Variants in COG3 observed in about 807,000 individuals in gnomAD.
COG3 encodes the protein component of oligomeric golgi complex 3, also known as conserved oligomeric Golgi complex subunit 3.
COG3 carries 32 observed loss-of-function variants against 114.1 expected under a neutral mutation model. The observed-to-expected ratio is 0.28, with a 90% CI of 0.21 to 0.38. The LOEUF is 0.38. COG3 is among the 10% of genes least tolerant of loss of function. The pLI is 1.00. For synonymous variants in COG3, 352 were observed against 365.7 expected (o/e 0.96, Z 0.43); for missense variants, 813 against 973.2 (o/e 0.84, Z 2.19).
chr13:45,495,786 A>T (rs61218638), intron 12 of COG3, among the ~76,000 whole-genome samples: 3,211 of 152,302 alleles, frequency 0.021, 97 homozygotes, highest in African/African-American at 0.068. Context: ...TGTGGTACTC[A>T]ATTTATTTGT....
chr13:45,469,357 C>T (rs934847592), intron 1 of COG3, among the ~76,000 whole-genome samples: 3 of 152,086 alleles, frequency 2.0e-5, no homozygotes, highest in South Asian at 4.2e-4. Flanking sequence ...ACTGAGCACA[C>T]GTGTATGACA....
intron 5 of COG3, among the ~76,000 whole-genome samples, 168 bp from the exon 6 acceptor site, chr13:45,482,213 C>T (rs2985952): frequency 0.37 from 55,570 of 151,914 alleles, 10,938 homozygotes; most frequent in Middle Eastern, 0.54. Context: ...TTTGTCCCTT[C>T]TTTATTGTAC....
chr13:45,527,253 G>C (rs1872777864), intron 20 of COG3, among the ~76,000 whole-genome samples: 2 of 152,328 alleles, frequency 1.3e-5, no homozygotes, highest in Non-Finnish European at 2.9e-5. Context: ...TAAAGCAGGA[G>C]TAGATAAAAG....
chr13:45,535,796 A>G lies in COG3; in HGVS notation c.*1065A>G. 2 of 987,582 alleles carry G rather than the reference A, an allele frequency of 2.0e-6. No homozygotes were observed. Among genetic ancestry groups the G allele is most frequent in the Non-Finnish European group, 2.4e-6 (2 of 830,078 alleles). The allele number at this position is 987,582 out of a possible 1,614,324, so 61.2% of individuals were successfully genotyped here. Reference sequence around the variant, plus strand: ...CCATATCAGGGATCATAAATTATGCATATCTATGAATTTTCCAACAAATTC... The same window carrying G: ...CCATATCAGGGATCATAAATTATGCGTATCTATGAATTTTCCAACAAATTC... On this transcript the variant is annotated 3_prime_UTR_variant, in exon 23 of 23. Transcript: ENST00000349995.
chr13:45,476,119 A>G (rs781382956), intron 1 of COG3, 82 bp from the exon 2 acceptor site: 92 of 1,300,380 alleles, frequency 7.1e-5, no homozygotes, highest in Non-Finnish European at 9.7e-5. Flanking sequence ...TTTCAAAACA[A>G]CTGAGATGGA....
rs994698736 is a variant in COG3 at position 45,490,945 on chromosome 13, G to A, written c.955G>A (p.Glu319Lys). ...TLIEQIELRS[E>K]KIPEYQQLLN... ...TATTGAACAAATAGAACTGCGGTCT[G>A]AAAAAATACCTGAGTGAGTACCTAG... The change falls in exon 9 of 23, where the codon GAA (glutamate) becomes AAA (lysine). Residue 319 changes from glutamate (E) to lysine (K), a missense_variant. By Grantham distance (56) the Glu-to-Lys change is moderately conservative (BLOSUM62 1). Around this residue, in one of 2 missense-constraint regions of COG3, gnomAD observed 424 missense variants for 430.6 expected, o/e 0.98. Transcript: ENST00000349995. 1.3e-6 allele frequency: 2 copies of A among 1,599,032 alleles called. No individual in the cohort carries two copies. The highest frequency in any genetic ancestry group is 3.4e-5 in the Admixed American group (2 of 58,742).
chr13:45,474,405 G>A lies in COG3; in HGVS notation c.175-1796G>A, dbSNP rs944510863. ...TCTCGATTTCCTGACCTCGTGATCC[G>A]CCCACCTCAGCCTCCCAAAGTGCTG... On this transcript the variant is annotated intron_variant, in intron 1 of 22. Transcript: ENST00000349995. Among the ~76,000 whole-genome samples the A allele has an allele frequency of 5.9e-5, 9 of 151,756 alleles. No individual in the cohort carries two copies. The South Asian group carries it at 1.7e-3, about 28-fold the overall frequency.
intron 20 of COG3, among the ~76,000 whole-genome samples, chr13:45,526,830 T>C (rs1302412590): frequency 6.6e-6 from 1 of 152,176 alleles, no homozygotes; most frequent in Non-Finnish European, 1.5e-5. Flanking sequence ...TAGTCTGACA[T>C]AGTATTAACC....
Position 45,535,039 on chromosome 13 carries a change from T to C in COG3, c.*308T>C. The C allele has an allele frequency of 2.6e-6, 3 of 1,137,908 alleles. No individual in the cohort carries two copies. Among genetic ancestry groups the C allele is most frequent in the Non-Finnish European group, 3.2e-6 (3 of 929,902 alleles). 70.5% of individuals were successfully genotyped at this position (1,137,908 alleles called of 1,614,324 possible). ...CAGTGAAATGGTTCTTTGTTAAAAA[T>C]GTGCAATAAAAATAGATTACAATAA... On this transcript the variant is annotated 3_prime_UTR_variant, in exon 23 of 23. Transcript: ENST00000349995.
At chr13:45,525,104 A>C in intron 20 of COG3, 53 bp downstream of exon 20, 1 of 1,491,252 alleles carries the variant, frequency 6.7e-7, no homozygotes, top group Non-Finnish European at 9.3e-7. Flanking sequence ...ATTAGTTTGC[A>C]TTTATATAGT....
chr13:45,466,356 A>G (rs1885140634), intron 1 of COG3, among the ~76,000 whole-genome samples: 1 of 152,130 alleles, frequency 6.6e-6, no homozygotes, highest in Non-Finnish European at 1.5e-5. Flanking sequence ...TTCTTTTTAT[A>G]CGATTTGGAA....
chr13:45,478,591 C>T (rs1314294153), intron 2 of COG3, among the ~76,000 whole-genome samples: 6 of 151,906 alleles, frequency 3.9e-5, no homozygotes, highest in Non-Finnish European at 5.9e-5. Flanking sequence ...CGGGTTCAAG[C>T]AATTCTCCTG....
At chr13:45,524,086 T>C (rs1593749892) in intron 19 of COG3, among the ~76,000 whole-genome samples, 1 of 152,112 alleles carries the variant, frequency 6.6e-6, no homozygotes, top group Non-Finnish European at 1.5e-5. Context: ...GCTGAAGAGA[T>C]CCAAGTCAAC....
chr13:45,468,710 T>C (rs2137768347), intron 1 of COG3, among the ~76,000 whole-genome samples: 1 of 152,370 alleles, frequency 6.6e-6, no homozygotes, highest in East Asian at 1.9e-4. Context: ...TACTATTTAA[T>C]GTTAGTGTCT....
intron 22 of COG3, among the ~76,000 whole-genome samples, chr13:45,532,906 G>A (rs973891746): frequency 1.3e-5 from 2 of 151,652 alleles, no homozygotes; most frequent in Non-Finnish European, 2.9e-5. Context: ...GGAGAAAAAC[G>A]CGTGTTTTTG....
At chr13:45,518,562 C>A (rs762734412) in intron 17 of COG3, among the ~76,000 whole-genome samples, 200 bp from the exon 18 acceptor site, 8 of 152,068 alleles carry the variant, frequency 5.3e-5, no homozygotes, top group Non-Finnish European at 1.0e-4. Context: ...AGTCATTTTG[C>A]AATTTGAACT....
Position 45,514,647 on chromosome 13 carries a change from C to T in COG3, c.1810-1496C>T, listed in dbSNP as rs539213197. Among the ~76,000 whole-genome samples the T allele has an allele frequency of 3.4e-5, 5 of 148,476 alleles. No homozygotes were observed. The East Asian group carries it at 7.9e-4, about 23-fold the overall frequency. ...TTATTTTCATGGTTGAGCTTGTGTA[C>T]TTTTTTTTTTGTTTGTTTGAGATGG... On this transcript the variant is annotated intron_variant, in intron 16 of 22. Transcript: ENST00000349995.
chr13:45,511,669 A>G (rs1451278893), intron 15 of COG3, 96 bp from the exon 16 acceptor site: 26 of 868,156 alleles, frequency 3.0e-5, no homozygotes, highest in African/African-American at 6.7e-5. Flanking sequence ...CCATGAGGGC[A>G]AGCAGGCATT....
At chr13:45,491,074 A>G (rs1166209323) in intron 9 of COG3, 116 bp downstream of exon 9, 2 of 697,334 alleles carry the variant, frequency 2.9e-6, no homozygotes, top group Non-Finnish European at 4.9e-6. Flanking sequence ...TGTTCTTGTA[A>G]CATACCACTT....
Sources: allele counts gnomAD v4.1 joint callset (sites outside exome capture counted in the v4.1 genomes callset), GRCh38; gene constraint gnomAD v4.1.1; regional missense constraint gnomAD v4.1.1; transcripts MANE v1.5; gene names NCBI Gene and HGNC (gene_info 2026-07-23, HGNC 2026-07-21).